WDR45B: variants seen among roughly 807,000 people sequenced by gnomAD.
The protein encoded by WDR45B is WD repeat domain phosphoinositide-interacting protein 3.
A neutral mutation model predicts 44.6 loss-of-function variants in WDR45B; 20 were observed. That is an observed-to-expected ratio of 0.45 (90% confidence interval 0.32 to 0.65). WDR45B has a LOEUF of 0.65. WDR45B is among the 30% of genes least tolerant of loss of function. The pLI is 0.05. For missense variants in WDR45B, 323 were observed against 430.2 expected, an observed-to-expected ratio of 0.75 and a Z score of 2.20; for synonymous variants, 169 against 164.9, an observed-to-expected ratio of 1.02 and a Z score of -0.19.
chr17:82,633,331 CT>C (rs1311797568), intron 2 of WDR45B, among the ~76,000 whole-genome samples: 2 of 152,048 alleles, frequency 1.3e-5, no homozygotes, highest in Non-Finnish European at 1.5e-5. Context: ...ATATGAAGGA[CT>C]TTTACAACTC....
chr17:82,646,602 G>A (rs988155894), intron 1 of WDR45B, among the ~76,000 whole-genome samples: 4 of 151,968 alleles, frequency 2.6e-5, no homozygotes, highest in African/African-American at 9.7e-5. Context: ...CACAAGTCAG[G>A]TAGGGAGCAT....
At position 82,615,592 on chromosome 17, in the gene WDR45B, C is replaced by G. The variant is rs1165413642; in HGVS notation, c.*327G>C. 4 of 415,594 alleles carry G rather than the reference C, an allele frequency of 9.6e-6. No individual in the cohort carries two copies. The highest frequency in any genetic ancestry group is 7.1e-5 in the Admixed American group (2 of 28,030). The allele number at this position is 415,594 out of a possible 1,614,324, so 25.7% of individuals were successfully genotyped here. On this transcript the variant is annotated 3_prime_UTR_variant, in exon 10 of 10. Coordinates refer to ENST00000392325, the MANE Select transcript of WDR45B (RefSeq NM_019613.4). Reference sequence around the variant, plus strand: ...AACTCGTCCACCCTCTCAGCCCAGTCCCCAGGTCCGTATGGAGCCCCCGTC... The same window carrying G: ...AACTCGTCCACCCTCTCAGCCCAGTGCCCAGGTCCGTATGGAGCCCCCGTC...
chr17:82,645,500 C>T (rs2045964784), intron 1 of WDR45B, among the ~76,000 whole-genome samples: 1 of 151,896 alleles, frequency 6.6e-6, no homozygotes, highest in African/African-American at 2.4e-5. Flanking sequence ...ACCAAAATGA[C>T]CAAAAATAAG....
At chr17:82,647,211 T>G (rs1348466245) in intron 1 of WDR45B, among the ~76,000 whole-genome samples, 1 of 152,150 alleles carries the variant, frequency 6.6e-6, no homozygotes, top group African/African-American at 2.4e-5. Flanking sequence ...AGAATGAGAC[T>G]CCGTCTCAAA....
intron 2 of WDR45B, among the ~76,000 whole-genome samples, chr17:82,643,627 C>T (rs1339692465): frequency 6.6e-6 from 1 of 152,172 alleles, no homozygotes; most frequent in Non-Finnish European, 1.5e-5. Flanking sequence ...CCCAGGGTTA[C>T]AGGTAAGACT....
Position 82,629,661 on chromosome 17 carries a change from A to G in WDR45B, c.244+1260T>C, listed in dbSNP as rs565829912. The G allele has an allele frequency of 7.1e-6, 7 of 985,452 alleles. No individual in the cohort carries two copies. The South Asian group carries it at 2.8e-4, about 40-fold the overall frequency. The allele number at this position is 985,452 out of a possible 1,614,324, so 61.0% of individuals were successfully genotyped here. Reference sequence around the variant, plus strand: ...CAAAACAAAAATAAATGTATCAGGCAGGGCCAGTCCTCACCCGAGTGTGGT... The same window carrying G: ...CAAAACAAAAATAAATGTATCAGGCGGGGCCAGTCCTCACCCGAGTGTGGT... On this transcript the variant is annotated intron_variant, in intron 3 of 9. Transcript: ENST00000392325.
chr17:82,624,623 A>ATT (rs2045668258), intron 5 of WDR45B, among the ~76,000 whole-genome samples: 1 of 125,238 alleles, frequency 8.0e-6, no homozygotes, highest in Non-Finnish European at 1.6e-5. Flanking sequence ...AATTTATTGA[A>ATT]GTTTTTTTTT....
intron 4 of WDR45B, among the ~76,000 whole-genome samples, chr17:82,626,221 A>G (rs1162996154): frequency 6.6e-6 from 1 of 151,544 alleles, no homozygotes; most frequent in Non-Finnish European, 1.5e-5. Flanking sequence ...TGACGTTATT[A>G]AAATGACAAA....
intron 2 of WDR45B, 27 bp from the exon 3 acceptor site, chr17:82,631,049 AT>A: frequency 1.3e-6 from 2 of 1,587,912 alleles, no homozygotes; most frequent in Non-Finnish European, 1.7e-6. Context: ...AAAAAGACCA[AT>A]GTTACAAGTT....
At chr17:82,617,831 CTG>C (rs1227575606) in intron 7 of WDR45B, among the ~76,000 whole-genome samples, 2 of 152,334 alleles carry the variant, frequency 1.3e-5, no homozygotes, top group East Asian at 3.9e-4. Context: ...TGGCCGTGTG[CTG>C]TCTGTTCTAG....
chr17:82,620,662 A>G (rs956545803), intron 6 of WDR45B, among the ~76,000 whole-genome samples: 2 of 152,156 alleles, frequency 1.3e-5, no homozygotes, highest in Non-Finnish European at 2.9e-5. Flanking sequence ...CTCCTTAACA[A>G]TTTATAATTT....
chr17:82,622,702 G>A lies in WDR45B; in HGVS notation c.428-903C>T, dbSNP rs74678395. On this transcript the variant is annotated intron_variant, in intron 5 of 9. Transcript: ENST00000392325. ...CTGCCTTGGCCTCCCACAGTGCTGCGATTACAGGCATGACCAAAAATTTTT... is the reference window on the plus strand; with the variant it reads ...CTGCCTTGGCCTCCCACAGTGCTGCAATTACAGGCATGACCAAAAATTTTT... Among the ~76,000 whole-genome samples, 137 of 152,110 alleles carry A rather than the reference G, an allele frequency of 9.0e-4. 2 individuals are homozygous for A. In the East Asian group the frequency reaches 0.022, roughly 24 times the overall value.
chr17:82,640,556 G>T (rs368276888), intron 2 of WDR45B, among the ~76,000 whole-genome samples: 1 of 151,966 alleles, frequency 6.6e-6, no homozygotes, highest in African/African-American at 2.4e-5. Context: ...TCACTGTGCC[G>T]GCCAGGATGG....
At chr17:82,618,586 A>G (rs958411974) in intron 7 of WDR45B, among the ~76,000 whole-genome samples, 3 of 152,144 alleles carry the variant, frequency 2.0e-5, no homozygotes, top group Non-Finnish European at 2.9e-5. Flanking sequence ...AAAACACAAC[A>G]ATTAGCCGGG....
intron 6 of WDR45B, among the ~76,000 whole-genome samples, chr17:82,619,820 T>C (rs1158610616): frequency 1.3e-5 from 2 of 152,058 alleles, no homozygotes; most frequent in Admixed American, 6.5e-5. Flanking sequence ...AGCCAGCTTG[T>C]GGGGGACAAG....
chr17:82,634,564 C>A (rs1372172629), intron 2 of WDR45B, among the ~76,000 whole-genome samples: 1 of 150,928 alleles, frequency 6.6e-6, no homozygotes, highest in Non-Finnish European at 1.5e-5. Context: ...CAAAAGAACT[C>A]AAGGCAGGGT....
Position 82,618,906 on chromosome 17 carries a change from A to G in WDR45B, c.704+137T>C, listed in dbSNP as rs951350748. On this transcript the variant is annotated intron_variant, in intron 7 of 9. Coordinates refer to ENST00000392325, the MANE Select transcript of WDR45B (RefSeq NM_019613.4). ...TTAAAAAGCTGAAACCCAACCCCCT[A>G]GCAGCCCAAGCTTCTCCCTCCTCTG... 3.0e-5 allele frequency: 23 copies of G among 759,778 alleles called. No individual in the cohort carries two copies. The African/African-American group carries it at 3.8e-4, about 13-fold the overall frequency. The allele number at this position is 759,778 out of a possible 1,614,324, so 47.1% of individuals were successfully genotyped here.
chr17:82,648,124 CCGGGGG>C (rs2046005587), intron 1 of WDR45B, 144 bp downstream of exon 1: 1 of 900,206 alleles, frequency 1.1e-6, no homozygotes, highest in Non-Finnish European at 1.6e-6. Context: ...AGGGCCGGGG[CCGGGGG>C]CTTCGGAGGG....
At chr17:82,618,221 C>A (rs1336857412) in intron 7 of WDR45B, among the ~76,000 whole-genome samples, 1 of 152,238 alleles carries the variant, frequency 6.6e-6, no homozygotes, top group Non-Finnish European at 1.5e-5. Context: ...GGAGCCACTG[C>A]GCCCGGCTAT....
Sources: allele counts gnomAD v4.1 joint callset (sites outside exome capture counted in the v4.1 genomes callset), GRCh38; gene constraint gnomAD v4.1.1; transcripts MANE v1.5; gene names NCBI Gene and HGNC (gene_info 2026-07-23, HGNC 2026-07-21).